The following UGT2B11 variants were observed in gnomAD, a reference collection of about 807,000 sequenced individuals.
UGT2B11 encodes the protein UDP-glucuronosyltransferase 2B11.
A neutral mutation model predicts 51.7 loss-of-function variants in UGT2B11; 49 were observed. That is an observed-to-expected ratio of 0.95 (90% confidence interval 0.75 to 1.20). UGT2B11 has a LOEUF of 1.20. UGT2B11 is among the 50% of genes most tolerant of loss of function. The pLI, the probability that UGT2B11 is intolerant of heterozygous loss-of-function variation, is 0.00. For missense variants in UGT2B11, 810 were observed against 622.1 expected (o/e 1.30, Z -3.21); for synonymous variants, 273 against 209.0 (o/e 1.31, Z -2.64).
intron 2 of UGT2B11, chr4:69,211,084 C>T (rs1410506761): frequency 6.6e-6 from 1 of 151,520 alleles, no homozygotes; most frequent in Non-Finnish European, 1.5e-5. Context: ...GATGTTGAGA[C>T]AAGTTCATCC....
intron 5 of UGT2B11, among the ~76,000 whole-genome samples, chr4:69,201,836 T>C (rs1321608441): frequency 6.6e-6 from 1 of 151,822 alleles, no homozygotes; most frequent in Non-Finnish European, 1.5e-5. Flanking sequence ...AAAAGATAAA[T>C]ATACATACAC....
At chr4:69,211,421 G>A (rs1427518521) in intron 2 of UGT2B11, among the ~76,000 whole-genome samples, 1 of 151,556 alleles carries the variant, frequency 6.6e-6, no homozygotes, top group Non-Finnish European at 1.5e-5. Context: ...GACTTTGCAA[G>A]AGAATATAAC....
chr4:69,223,584 C>T, the UGT2B11 span, among the ~76,000 whole-genome samples: 5 of 152,224 alleles, frequency 3.3e-5, no homozygotes, highest in South Asian at 1.0e-3. Context: ...TGAGGCACCA[C>T]TGATGCCTGC....
rs1722111012 is a variant in UGT2B11, at chr4:69,212,579, T to A, written c.864A>T (p.Leu288=). Residue 288 remains leucine, a synonymous_variant, in exon 2 of 6, where the codon CTA becomes CTT. Transcript: ENST00000446444. ...CCAACAAAAGTATGTTTACCTTAGG[T>A]AGGGGTTTGGCAGGTTTGCAGTGGA... ...GGFHCKPAKP[L]PKEMEEFVQS... 3.7e-6 allele frequency: 6 copies of A among 1,607,114 alleles called. No individual in the cohort carries two copies. The highest frequency in any genetic ancestry group is 5.1e-6 in the Non-Finnish European group (6 of 1,176,388).
chr4:69,217,770 T>C (rs374371005), upstream of UGT2B11, among the ~76,000 whole-genome samples: 3 of 152,182 alleles, frequency 2.0e-5, no homozygotes, highest in South Asian at 2.1e-4. Context: ...GGGTGCTATA[T>C]AGAAAAATAC....
intron 3 of UGT2B11, among the ~76,000 whole-genome samples, chr4:69,206,525 T>A (rs1281340910): frequency 6.6e-6 from 1 of 151,396 alleles, no homozygotes; most frequent in Non-Finnish European, 1.5e-5. Context: ...TAAACGAATA[T>A]TAGTCTTAAT....
At chr4:69,202,346 G>C (rs1721689737) in intron 5 of UGT2B11, among the ~76,000 whole-genome samples, 1 of 151,608 alleles carries the variant, frequency 6.6e-6, no homozygotes, top group Non-Finnish European at 1.5e-5. Context: ...TTTACTTCTT[G>C]ACTGTAAATT....
the UGT2B11 span, among the ~76,000 whole-genome samples, chr4:69,222,201 G>C: frequency 6.6e-6 from 1 of 152,220 alleles, no homozygotes; most frequent in South Asian, 2.1e-4. Context: ...TTTGTTCTGG[G>C]CCTAAGGCAG....
intron 2 of UGT2B11, among the ~76,000 whole-genome samples, chr4:69,209,307 G>A (rs1721971992): frequency 6.6e-6 from 1 of 151,598 alleles, no homozygotes; most frequent in South Asian, 2.1e-4. Flanking sequence ...TGCATGTGAG[G>A]AACTCTCATC....
chr4:69,222,207 G>A, the UGT2B11 span, among the ~76,000 whole-genome samples: 1 of 152,262 alleles, frequency 6.6e-6, no homozygotes, highest in Non-Finnish European at 1.5e-5. Context: ...CTGGGCCTAA[G>A]GCAGAGTTTT....
intron 3 of UGT2B11, chr4:69,205,813 T>C (rs1353812350): frequency 1.5e-5 from 6 of 389,594 alleles, no homozygotes; most frequent in Non-Finnish European, 2.2e-5. Context: ...AGTTCAAATA[T>C]TCAAAAAATT....
upstream of UGT2B11, chr4:69,216,500 A>G (rs1049332399): frequency 9.9e-5 from 15 of 151,660 alleles, no homozygotes; most frequent in South Asian, 4.2e-4. Flanking sequence ...TGGTGTTCTG[A>G]GCAAGTTCAT....
At chr4:69,217,497 A>C (rs552889747), upstream of UGT2B11, among the ~76,000 whole-genome samples, 15 of 152,166 alleles carry the variant, frequency 9.9e-5, no homozygotes, top group African/African-American at 3.6e-4. Context: ...GGAATATACA[A>C]ATTACTTTCC....
intron 1 of UGT2B11, 44 bp from the exon 2 acceptor site, chr4:69,212,765 T>C: frequency 6.3e-7 from 1 of 1,576,742 alleles, no homozygotes. Context: ...TGTAAGATAA[T>C]TACTTTACAT....
chr4:69,213,031 A>G (rs1722133486), intron 1 of UGT2B11, among the ~76,000 whole-genome samples: 1 of 151,430 alleles, frequency 6.6e-6, no homozygotes, highest in African/African-American at 2.4e-5. Context: ...TTAAAGCTTC[A>G]ATAGTTGCAT....
rs563911392 is a variant in UGT2B11 at position 69,204,425 on chromosome 4, C to T, written c.1310+5G>A. The T allele has an allele frequency of 1.2e-6, 2 of 1,611,518 alleles. No homozygotes were observed. Among genetic ancestry groups the T allele is most frequent in the South Asian group, 2.2e-5 (2 of 91,000 alleles). On this transcript the variant is annotated splice_donor_5th_base_variant and intron_variant, in intron 5 of 5. Coordinates refer to ENST00000446444, the MANE Select transcript of UGT2B11 (RefSeq NM_001073.3). ...CCACCTAGTGAAAAACATTGTTCTA[C>T]TCACAAAGGATCATTAATTACTGTC...
intron 5 of UGT2B11, among the ~76,000 whole-genome samples, chr4:69,203,478 G>A (rs1371448808): frequency 6.6e-6 from 1 of 151,656 alleles, no homozygotes; most frequent in Admixed American, 6.6e-5. Context: ...TCTCACATGA[G>A]GCAGCAATTC....
chr4:69,207,239 G>T (rs541860245), intron 3 of UGT2B11, among the ~76,000 whole-genome samples: 12 of 151,712 alleles, frequency 7.9e-5, no homozygotes, highest in African/African-American at 2.9e-4. Context: ...CTATAGCCAA[G>T]ACATTCTTAT....
chr4:69,207,852 C>G (rs528550959), intron 3 of UGT2B11, among the ~76,000 whole-genome samples: 1 of 151,738 alleles, frequency 6.6e-6, no homozygotes, highest in African/African-American at 2.4e-5. Flanking sequence ...TCATTGGATA[C>G]TGCTGAGATT....
Sources: allele counts gnomAD v4.1 joint callset (sites outside exome capture counted in the v4.1 genomes callset), GRCh38; gene constraint gnomAD v4.1.1; transcripts MANE v1.5; gene names NCBI Gene and HGNC (gene_info 2026-07-23, HGNC 2026-07-21).